Variants in FRMPD2 observed in about 807,000 individuals in gnomAD.
FRMPD2 encodes the protein FERM and PDZ domain containing 2.
A neutral mutation model predicts 140.1 loss-of-function variants in FRMPD2; 96 were observed. The observed-to-expected ratio is 0.69, with a 90% confidence interval of 0.58 to 0.81. FRMPD2 has a LOEUF of 0.81. FRMPD2 is among the 40% of genes least tolerant of loss of function. FRMPD2 has a pLI of 0.00. For missense variants in FRMPD2, 1,240 were observed against 1,447.4 expected (o/e 0.86, Z 2.32); for synonymous variants, 449 against 547.6 (o/e 0.82, Z 2.52).
intron 4 of FRMPD2, among the ~76,000 whole-genome samples, chr10:48,243,629 C>A (rs1840176937): frequency 6.6e-6 from 1 of 152,158 alleles, no homozygotes; most frequent in Non-Finnish European, 1.5e-5. Context: ...GAGCAGGGAC[C>A]CTATCCTAGG....
chr10:48,253,956 G>A (rs1233256870), intron 1 of FRMPD2, among the ~76,000 whole-genome samples: 2 of 151,992 alleles, frequency 1.3e-5, no homozygotes, highest in East Asian at 1.9e-4. Flanking sequence ...CTAGAGGCTT[G>A]AAGTTGCTGT....
Position 48,186,095 on chromosome 10 carries a change from G to A in FRMPD2, c.2267-450C>T, listed in dbSNP as rs541932911. Among the ~76,000 whole-genome samples the A allele has an allele frequency of 3.3e-5, 5 of 152,322 alleles. No individual in the cohort carries two copies. In the South Asian group the frequency reaches 1.0e-3, roughly 32 times the overall value. Reference sequence around the variant, plus strand: ...GCCTCAAATAACCAGGGGTGACAAGGTGCCAGCAGCCCAGCCTGTGTGACC... The same window carrying A: ...GCCTCAAATAACCAGGGGTGACAAGATGCCAGCAGCCCAGCCTGTGTGACC... On this transcript the variant is annotated intron_variant, in intron 17 of 28. Coordinates refer to ENST00000374201, the MANE Select transcript of FRMPD2 (RefSeq NM_001018071.4).
intron 13 of FRMPD2, among the ~76,000 whole-genome samples, chr10:48,208,833 C>G (rs1839257496): frequency 6.6e-6 from 1 of 152,176 alleles, no homozygotes; most frequent in Non-Finnish European, 1.5e-5. Context: ...CAACAGGTAG[C>G]AAAGTTGAGA....
chr10:48,181,892 A>ACG (rs1257294704), intron 20 of FRMPD2, among the ~76,000 whole-genome samples: 1 of 58,786 alleles, frequency 1.7e-5, no homozygotes, highest in Non-Finnish European at 4.0e-5. Context: ...TCTCATACAC[A>ACG]CACACACACA....
chr10:48,205,748 C>T (rs991616188), intron 14 of FRMPD2, among the ~76,000 whole-genome samples: 1 of 152,040 alleles, frequency 6.6e-6, no homozygotes, highest in Non-Finnish European at 1.5e-5. Flanking sequence ...AAATTGTGCT[C>T]AATTATTATT....
At chr10:48,230,253 T>C (rs74130205) in intron 10 of FRMPD2, among the ~76,000 whole-genome samples, 5,713 of 152,266 alleles carry the variant, frequency 0.038, 330 homozygotes, top group African/African-American at 0.12. Context: ...AAACTATCCA[T>C]AAGCATTCTT....
At chr10:48,192,644 A>G in intron 16 of FRMPD2, 40 bp downstream of exon 16, 1 of 1,513,838 alleles carries the variant, frequency 6.6e-7, no homozygotes, top group Non-Finnish European at 9.2e-7. Context: ...CATCAAGCAC[A>G]TGGTGGTTTG....
chr10:48,173,060 T>C lies in FRMPD2; in HGVS notation c.3109A>G (p.Arg1037Gly). Residue 1037 changes from arginine to glycine, a missense_variant, in exon 25 of 29, where the codon AGG becomes GGG. Arg to Gly is a moderately radical substitution (Grantham distance 125). This residue lies in a region of FRMPD2 where 22 missense variants were observed against 35.3 expected (regional missense o/e 0.62). Coordinates refer to ENST00000374201, the MANE Select transcript of FRMPD2 (RefSeq NM_001018071.4). Reference sequence around the variant, plus strand: ...GCAGAAGGACACTGCTGTGTACTCCTGGGGACTCTTCTCTCTAAGACCAGT... The same window carrying C: ...GCAGAAGGACACTGCTGTGTACTCCCGGGGACTCTTCTCTCTAAGACCAGT... ...ARLVLERRVPRSTQQCPSAND... is the reference protein window; with the variant it reads ...ARLVLERRVPGSTQQCPSAND... The C allele has an allele frequency of 1.1e-6, 1 of 878,082 alleles. No homozygotes were observed. Among genetic ancestry groups the C allele is most frequent in the Non-Finnish European group, 1.9e-6 (1 of 523,370 alleles). The allele number at this position is 878,082 out of a possible 1,614,324, so 54.4% of individuals were successfully genotyped here.
At chr10:48,180,042 T>A (rs531817950) in intron 21 of FRMPD2, among the ~76,000 whole-genome samples, 1 of 152,044 alleles carries the variant, frequency 6.6e-6, no homozygotes, top group East Asian at 1.9e-4. Context: ...GTGCTCTTTG[T>A]AGAGGGGCAC....
intron 13 of FRMPD2, among the ~76,000 whole-genome samples, chr10:48,211,359 C>A (rs1173050178): frequency 1.3e-5 from 2 of 152,238 alleles, no homozygotes; most frequent in Non-Finnish European, 2.9e-5. Context: ...CTGCTGCCTG[C>A]AGGGCTGCAA....
chr10:48,244,269 G>A (rs1307218335), intron 4 of FRMPD2, among the ~76,000 whole-genome samples: 1 of 152,224 alleles, frequency 6.6e-6, no homozygotes, highest in African/African-American at 2.4e-5. Context: ...ATAGGCGTGA[G>A]CCACCATGGC....
chr10:48,165,606 TC>T lies in FRMPD2; in HGVS notation c.3538-1936del, dbSNP rs1838080825. 2.5e-5 allele frequency among the ~76,000 whole-genome samples: 3 copies of T among 117,756 alleles called. 1 individual carries two copies. The highest frequency in any genetic ancestry group is 9.8e-5 in the African/African-American group (3 of 30,478). 77.3% of individuals were successfully genotyped at this position (117,756 alleles called of 152,430 possible). A position where few individuals can be genotyped will look rare whatever the true frequency, so the allele number is the denominator to read the frequency against. Reference sequence around the variant, plus strand: ...TCTCAGCAACGTTCAACAAAGTGTGTCCCTCCCTCCTTCCTGAGAGCTTCCT... The same window carrying T: ...TCTCAGCAACGTTCAACAAAGTGTGTCCTCCCTCCTTCCTGAGAGCTTCCT... On this transcript the variant is annotated intron_variant, in intron 27 of 28. Coordinates refer to ENST00000374201, the MANE Select transcript of FRMPD2 (RefSeq NM_001018071.4).
At chr10:48,200,314 T>C (rs764462005) in intron 15 of FRMPD2, among the ~76,000 whole-genome samples, 3 of 152,108 alleles carry the variant, frequency 2.0e-5, no homozygotes, top group Non-Finnish European at 4.4e-5. Flanking sequence ...AACCAACCAA[T>C]CAGAGCTCAC....
chr10:48,178,221 C>T, intron 21 of FRMPD2, 70 bp from the exon 22 acceptor site: 1 of 1,155,046 alleles, frequency 8.7e-7, no homozygotes, highest in Non-Finnish European at 1.3e-6. Context: ...TCATACTGCT[C>T]TCAGGAGCAG....
chr10:48,242,229 CA>C lies in FRMPD2; in HGVS notation c.498del (p.Val167SerfsTer86). 6.2e-7 allele frequency: 1 copy of C among 1,614,192 alleles called. No homozygotes were observed. Among genetic ancestry groups the C allele is most frequent in the Non-Finnish European group, 8.5e-7 (1 of 1,180,028 alleles). Reference protein sequence around the residue: ...EACRVHEKEVSVYPAPAGLHI... With the variant: ...EACRVHEKEVXVYPAPAGLHI... The stretch of plus-strand genomic sequence containing the variant: ...TGGAGACCAGCAGGGGCTGGGTAGA[CA>C]GACACTTCTTTCTCATGAACCCGAC... On this transcript the variant is annotated frameshift_variant, in exon 5 of 29. Transcript: ENST00000374201. LOFTEE classifies it high-confidence loss of function.
At chr10:48,206,601 A>G (rs1839204228) in intron 14 of FRMPD2, 147 bp downstream of exon 14, 2 of 648,268 alleles carry the variant, frequency 3.1e-6, no homozygotes, top group Non-Finnish European at 5.3e-6. Flanking sequence ...CCTGCAATGC[A>G]TCAGAATGCA....
intron 6 of FRMPD2, 83 bp from the exon 7 acceptor site, chr10:48,239,775 CA>C: frequency 1.1e-6 from 1 of 937,352 alleles, no homozygotes; most frequent in South Asian, 1.4e-5. Flanking sequence ...GCATGAATGG[CA>C]TCATGACTTA....
intron 5 of FRMPD2, among the ~76,000 whole-genome samples, chr10:48,241,313 G>A (rs991389026): frequency 6.6e-6 from 1 of 152,134 alleles, no homozygotes; most frequent in Non-Finnish European, 1.5e-5. Context: ...CTGGACAAGT[G>A]CAGCCACTCA....
intron 4 of FRMPD2, among the ~76,000 whole-genome samples, chr10:48,243,677 C>T (rs1840178127): frequency 1.3e-5 from 2 of 152,142 alleles, no homozygotes; most frequent in African/African-American, 4.8e-5. Flanking sequence ...GAAGGCAACC[C>T]CACGGCCAGT....
Sources: gnomAD v4.1 joint callset for allele counts (sites outside exome capture counted in the v4.1 genomes callset) on GRCh38, gnomAD v4.1.1 for gene constraint, gnomAD v4.1.1 regional missense constraint, MANE v1.5 for transcripts, NCBI Gene and HGNC (gene_info 2026-07-23, HGNC 2026-07-21) for gene names.